The following GXYLT1 variants were observed in gnomAD, a reference collection of about 807,000 sequenced individuals.
GXYLT1 encodes glycosyltransferase 8 domain containing 3.
In GXYLT1, 29 loss-of-function variants were observed where a neutral mutation model predicts 54.0. The observed-to-expected ratio is 0.54, with a 90% confidence interval of 0.40 to 0.73. The LOEUF is 0.73. GXYLT1 is among the 30% of genes least tolerant of loss of function. The pLI is 0.00. For missense variants in GXYLT1, 490 were observed against 553.4 expected, an observed-to-expected ratio of 0.89 and a Z score of 1.15; for synonymous variants, 176 against 204.1, an observed-to-expected ratio of 0.86 and a Z score of 1.17.
intron 5 of GXYLT1, among the ~76,000 whole-genome samples, chr12:42,103,038 G>A (rs1331274492): frequency 6.6e-6 from 1 of 151,598 alleles, no homozygotes; most frequent in Non-Finnish European, 1.5e-5. Context: ...TCAGCTCACT[G>A]CAACCTCTGC....
chr12:42,128,913 C>CA (rs984398563), intron 2 of GXYLT1, among the ~76,000 whole-genome samples: 1 of 152,066 alleles, frequency 6.6e-6, no homozygotes, highest in African/African-American at 2.4e-5. Flanking sequence ...CGGGCTCAAG[C>CA]AATACTCCCG....
At chr12:42,120,597 C>T (rs1045443262) in intron 2 of GXYLT1, among the ~76,000 whole-genome samples, 6 of 152,132 alleles carry the variant, frequency 3.9e-5, no homozygotes, top group African/African-American at 1.2e-4. Context: ...GTGGTGCATT[C>T]ATAGCTCACT....
chr12:42,144,479 G>A lies in GXYLT1; in HGVS notation c.168C>T (p.Ala56=), dbSNP rs991337229. 4 of 1,097,408 alleles carry A rather than the reference G, an allele frequency of 3.6e-6. 1 individual carries two copies. The highest frequency in any genetic ancestry group is 7.3e-5 in the South Asian group (2 of 27,510). 68.0% of individuals were successfully genotyped at this position (1,097,408 alleles called of 1,614,324 possible). A position where few individuals can be genotyped will look rare whatever the true frequency, so the allele number is the denominator to read the frequency against. ...ASWLAGGGRG[A]VRGAGVAGPA... Reference sequence around the variant, plus strand: ...GGCCCGCGACGCCGGCGCCTCTCACGGCGCCGCGTCCGCCGCCCGCGAGCC... The same window carrying A: ...GGCCCGCGACGCCGGCGCCTCTCACAGCGCCGCGTCCGCCGCCCGCGAGCC... The change falls in exon 1 of 8, where the codon GCC becomes GCT. Residue 56 remains alanine (A), a synonymous_variant. Transcript: ENST00000398675.
chr12:42,132,453 T>C (rs537287198), intron 1 of GXYLT1, among the ~76,000 whole-genome samples: 1 of 152,332 alleles, frequency 6.6e-6, no homozygotes, highest in Non-Finnish European at 1.5e-5. Flanking sequence ...CTTCAATCAA[T>C]ACATTTTATT....
At chr12:42,090,488 C>T (rs1041422085) in intron 7 of GXYLT1, among the ~76,000 whole-genome samples, 2 of 152,234 alleles carry the variant, frequency 1.3e-5, no homozygotes, top group Non-Finnish European at 2.9e-5. Flanking sequence ...TCTGAGAAGC[C>T]TTTCCATGTA....
chr12:42,134,850 G>A (rs2065610835), intron 1 of GXYLT1, among the ~76,000 whole-genome samples: 1 of 152,148 alleles, frequency 6.6e-6, no homozygotes, highest in South Asian at 2.1e-4. Flanking sequence ...AACTCCATAT[G>A]CTTCCCCTTG....
At position 42,139,594 on chromosome 12, in the gene GXYLT1, T is replaced by C. The variant is rs116922346; in HGVS notation, c.221+4832A>G. ...ACACTGAATCTGCTGGTACCTTGAC[T>C]TGGATTTCTAGTCTCCAGAACTGTA... On this transcript the variant is annotated intron_variant, in intron 1 of 7. Transcript: ENST00000398675. Among the ~76,000 whole-genome samples the C allele has an allele frequency of 1.7e-3, 263 of 152,306 alleles. 2 individuals are homozygous for C. The South Asian group carries it at 0.037, about 22-fold the overall frequency.
chr12:42,134,501 A>C (rs2065609175), intron 1 of GXYLT1, among the ~76,000 whole-genome samples: 1 of 152,078 alleles, frequency 6.6e-6, no homozygotes, highest in South Asian at 2.1e-4. Flanking sequence ...GTAGAGACAA[A>C]GTTTTGCTTT....
At chr12:42,094,612 C>T (rs1465556088) in intron 7 of GXYLT1, among the ~76,000 whole-genome samples, 1 of 142,694 alleles carries the variant, frequency 7.0e-6, no homozygotes, top group Non-Finnish European at 1.5e-5. Context: ...TGAGTCAAGA[C>T]TGTGCCACTG....
chr12:42,136,752 A>ATACATACATACATACC (rs2065621698), intron 1 of GXYLT1, among the ~76,000 whole-genome samples: 4 of 1,060 alleles, frequency 3.8e-3, no homozygotes, highest in Admixed American at 0.024. Flanking sequence ...GAGGTTTTTT[A>ATACATACATACATACC]TACATACATA....
In GXYLT1 at chr12:42,129,828, T is replaced by A. The variant is rs1359116596; in HGVS notation, c.245A>T (p.Tyr82Phe). 2 of 1,612,956 alleles carry A rather than the reference T, an allele frequency of 1.2e-6. No individual in the cohort carries two copies. Among genetic ancestry groups the A allele is most frequent in the Admixed American group, 1.7e-5 (1 of 59,992 alleles). ...GGGCAGCATCCAATAGGGATTCCAGTAACACAGAGAGAAATCTTTACACCT... is the reference window on the plus strand; with the variant it reads ...GGGCAGCATCCAATAGGGATTCCAGAAACACAGAGAGAAATCTTTACACCT... ...SDRCKDFSLC[Y>F]WNPYWMLPSD... The change falls in exon 2 of 8, where the codon TAC (tyrosine) becomes TTC (phenylalanine). Residue 82 changes from tyrosine (Y) to phenylalanine (F), a missense_variant. By Grantham distance (22) the Tyr-to-Phe change is conservative (BLOSUM62 3). Around this residue, in one of 2 missense-constraint regions of GXYLT1, gnomAD observed 148 missense variants for 210.7 expected, o/e 0.70. Coordinates refer to ENST00000398675, the MANE Select transcript of GXYLT1 (RefSeq NM_173601.2).
Position 42,081,995 on chromosome 12 carries a change from A to G in GXYLT1, c.*5791T>C, listed in dbSNP as rs1344936608. On this transcript the variant is annotated 3_prime_UTR_variant, in exon 8 of 8. Transcript: ENST00000398675. ...TTTAGACCAGAATCTTTAATTTTAT[A>G]TTCTCCTTTAATAACTGTCAAAATA... is the stretch of plus-strand genomic sequence containing the variant. 1 of 152,196 alleles carries G rather than the reference A, an allele frequency of 6.6e-6. No individual in the cohort carries two copies. Among genetic ancestry groups the G allele is most frequent in the Admixed American group, 6.5e-5 (1 of 15,276 alleles). The allele number at this position is 152,196 out of a possible 1,614,324, so 9.4% of individuals were successfully genotyped here. A position where few individuals can be genotyped will look rare whatever the true frequency, so the allele number is the denominator to read the frequency against.
intron 3 of GXYLT1, among the ~76,000 whole-genome samples, chr12:42,115,919 T>C (rs7134023): frequency 0.013 from 1,639 of 126,694 alleles, 81 homozygotes; most frequent in African/African-American, 0.042. Context: ...ATGGTACTGG[T>C]ACCAAAACAG....
chr12:42,129,855 A>C lies in GXYLT1; in HGVS notation c.222-4T>G. 6.3e-7 allele frequency: 1 copy of C among 1,580,494 alleles called. No individual in the cohort carries two copies. The highest frequency in any genetic ancestry group is 8.7e-7 in the Non-Finnish European group (1 of 1,149,768). ...ACACAGAGAGAAATCTTTACACCTA[A>C]CAGAGTAAGACAGAAATAAGAGTCC... is the stretch of plus-strand genomic sequence containing the variant. On this transcript the variant is annotated splice_polypyrimidine_tract_variant and splice_region_variant and intron_variant, in intron 1 of 7. Coordinates refer to ENST00000398675, the MANE Select transcript of GXYLT1 (RefSeq NM_173601.2).
chr12:42,114,103 C>A (rs552802016), intron 3 of GXYLT1, among the ~76,000 whole-genome samples: 1 of 152,214 alleles, frequency 6.6e-6, no homozygotes, highest in Non-Finnish European at 1.5e-5. Context: ...CACAACATAC[C>A]AGAATCTCTG....
intron 5 of GXYLT1, among the ~76,000 whole-genome samples, chr12:42,104,279 T>TA (rs1481830648): frequency 6.6e-6 from 1 of 152,032 alleles, no homozygotes; most frequent in Non-Finnish European, 1.5e-5. Flanking sequence ...CAGATAATCT[T>TA]ACAGCACCAT....
Position 42,137,528 on chromosome 12 carries a change from G to A in GXYLT1, c.221+6898C>T, listed in dbSNP as rs534687732. Among the ~76,000 whole-genome samples the A allele has an allele frequency of 1.2e-3, 143 of 117,292 alleles. 1 individual carries two copies. Among genetic ancestry groups the A allele is most frequent in the Middle Eastern group, 5.5e-3 (1 of 182 alleles). The allele number at this position is 117,292 out of a possible 152,430, so 76.9% of individuals were successfully genotyped here. A position where few individuals can be genotyped will look rare whatever the true frequency, so the allele number is the denominator to read the frequency against. ...CAAAAAAAAAAAAAAAAAAAAAAGC[G>A]GATCACAAGGTCAGGAGATCGAGAC... On this transcript the variant is annotated intron_variant, in intron 1 of 7. Transcript: ENST00000398675.
chr12:42,095,577 A>G (rs1422499677), intron 7 of GXYLT1, among the ~76,000 whole-genome samples: 2 of 152,208 alleles, frequency 1.3e-5, no homozygotes, highest in Non-Finnish European at 2.9e-5. Flanking sequence ...TATTAAAAAC[A>G]CAGGAAGGAT....
chr12:42,126,042 A>C (rs1193950662), intron 2 of GXYLT1, among the ~76,000 whole-genome samples: 1 of 151,584 alleles, frequency 6.6e-6, no homozygotes, highest in Non-Finnish European at 1.5e-5. Flanking sequence ...CAAACAAACC[A>C]AACAAAACCC....
Sources: allele counts gnomAD v4.1 joint callset (sites outside exome capture counted in the v4.1 genomes callset), GRCh38; gene constraint gnomAD v4.1.1; regional missense constraint gnomAD v4.1.1; transcripts MANE v1.5; gene names NCBI Gene and HGNC (gene_info 2026-07-23, HGNC 2026-07-21).